The following TMEM117 variants were observed in gnomAD, a reference collection of about 807,000 sequenced individuals.
The protein encoded by TMEM117 is transmembrane protein 117.
In TMEM117, 27 loss-of-function variants were observed where a neutral mutation model predicts 52.4. That is an observed-to-expected ratio of 0.51 (90% CI 0.38 to 0.71). TMEM117 has a LOEUF of 0.71. Ranked by LOEUF, TMEM117 falls within the 30% of genes least tolerant of loss-of-function variation. The pLI, the probability that TMEM117 is intolerant of heterozygous loss-of-function variation, is 0.00. For missense variants in TMEM117, 556 were observed against 630.5 expected (o/e 0.88, Z 1.26); for synonymous variants, 215 against 206.3 (o/e 1.04, Z -0.36).
At chr12:44,228,607 A>G (rs939465765) in intron 5 of TMEM117, among the ~76,000 whole-genome samples, 1 of 152,142 alleles carries the variant, frequency 6.6e-6, no homozygotes, top group Non-Finnish European at 1.5e-5. Flanking sequence ...ATTATGAGCC[A>G]GGAAAATTCC....
At chr12:44,149,614 T>C (rs1948693502) in intron 4 of TMEM117, among the ~76,000 whole-genome samples, 1 of 152,212 alleles carries the variant, frequency 6.6e-6, no homozygotes, top group Non-Finnish European at 1.5e-5. Context: ...TTAAAAATAG[T>C]TTAGTTCAAA....
chr12:44,339,698 T>C (rs1000370586), intron 6 of TMEM117, among the ~76,000 whole-genome samples: 3 of 151,996 alleles, frequency 2.0e-5, no homozygotes, highest in South Asian at 2.1e-4. Flanking sequence ...TTTAAAAATA[T>C]GTAGATTTTA....
intron 5 of TMEM117, among the ~76,000 whole-genome samples, chr12:44,226,035 C>A (rs17094328): frequency 1.3e-5 from 2 of 152,108 alleles, no homozygotes; most frequent in African/African-American, 4.8e-5. Context: ...ATGTTCATTT[C>A]GCCCCATCAT....
intron 3 of TMEM117, among the ~76,000 whole-genome samples, chr12:43,961,191 A>G (rs1945396979): frequency 6.6e-6 from 1 of 152,184 alleles, no homozygotes; most frequent in Non-Finnish European, 1.5e-5. Context: ...AACTCTTGAT[A>G]AATATTAGTA....
chr12:44,262,870 A>G (rs973713268), intron 5 of TMEM117, among the ~76,000 whole-genome samples: 3 of 152,236 alleles, frequency 2.0e-5, no homozygotes, highest in Admixed American at 2.0e-4. Context: ...TACAGGCGTG[A>G]GCCACTGCGC....
At chr12:44,370,360 G>A (rs1951845808) in intron 6 of TMEM117, among the ~76,000 whole-genome samples, 1 of 151,874 alleles carries the variant, frequency 6.6e-6, no homozygotes, top group African/African-American at 2.4e-5. Context: ...CTAGTTTATA[G>A]GGAAAAAAAT....
chr12:44,363,705 T>A (rs962315747), intron 6 of TMEM117, among the ~76,000 whole-genome samples: 2 of 152,216 alleles, frequency 1.3e-5, no homozygotes, highest in Non-Finnish European at 2.9e-5. Flanking sequence ...GTTCTTCCTA[T>A]GTTTTGTTCT....
At chr12:43,845,742 TC>T (rs1236870117) in intron 2 of TMEM117, among the ~76,000 whole-genome samples, 1 of 150,878 alleles carries the variant, frequency 6.6e-6, no homozygotes, top group Non-Finnish European at 1.5e-5. Flanking sequence ...CCACCCTGTG[TC>T]CAAGTGTTGT....
At chr12:43,883,908 C>T (rs2137457830) in intron 2 of TMEM117, among the ~76,000 whole-genome samples, 1 of 151,988 alleles carries the variant, frequency 6.6e-6, no homozygotes, top group East Asian at 1.9e-4. Flanking sequence ...AGGCTGAGGT[C>T]AGAGGATTGC....
chr12:43,799,950 C>T, the TMEM117 span, among the ~76,000 whole-genome samples: 1 of 151,966 alleles, frequency 6.6e-6, no homozygotes, highest in Non-Finnish European at 1.5e-5. Flanking sequence ...GAAAAAAATA[C>T]TACAAAGAGG....
intron 3 of TMEM117, chr12:44,009,736 ATTC>A (rs1946259108): frequency 3.9e-6 from 1 of 259,374 alleles, no homozygotes; most frequent in South Asian, 7.3e-5. Flanking sequence ...CTGTGACCTT[ATTC>A]TTTGTTTGAC....
intron 5 of TMEM117, among the ~76,000 whole-genome samples, chr12:44,264,379 C>T (rs1281177058): frequency 6.6e-6 from 1 of 152,116 alleles, no homozygotes; most frequent in Non-Finnish European, 1.5e-5. Flanking sequence ...TTCAGAATCC[C>T]CTATCAGCTA....
chr12:44,145,413 A>G (rs1339405311), intron 4 of TMEM117, among the ~76,000 whole-genome samples: 1 of 152,202 alleles, frequency 6.6e-6, no homozygotes, highest in Non-Finnish European at 1.5e-5. Flanking sequence ...ACCTTCCTAC[A>G]AATAATGAAC....
the TMEM117 span, chr12:43,797,467 CA>C: frequency 3.2e-6 from 5 of 1,552,628 alleles, no homozygotes; most frequent in East Asian, 1.1e-4. Flanking sequence ...CAATAAGAAA[CA>C]AAATATGTTC....
intron 2 of TMEM117, among the ~76,000 whole-genome samples, chr12:43,866,696 A>G (rs1943606110): frequency 1.3e-5 from 2 of 152,260 alleles, no homozygotes. Context: ...GAGTGAAACC[A>G]TATAGAAATA....
At chr12:44,099,821 C>T (rs1465361163) in intron 3 of TMEM117, among the ~76,000 whole-genome samples, 1 of 151,786 alleles carries the variant, frequency 6.6e-6, no homozygotes, top group Non-Finnish European at 1.5e-5. Flanking sequence ...GAGAAGTCCA[C>T]CAAAACAAGT....
chr12:44,164,686 G>A (rs1948941147), intron 4 of TMEM117, among the ~76,000 whole-genome samples: 1 of 152,130 alleles, frequency 6.6e-6, no homozygotes, highest in Non-Finnish European at 1.5e-5. Context: ...CTGAATTATG[G>A]GGCTACAATC....
chr12:44,208,448 T>G (rs1032992871), intron 4 of TMEM117, among the ~76,000 whole-genome samples: 2 of 152,296 alleles, frequency 1.3e-5, no homozygotes, highest in African/African-American at 2.4e-5. Context: ...TTTTGTGTAT[T>G]TATGCTACAC....
At chr12:43,803,440 G>C in the TMEM117 span, among the ~76,000 whole-genome samples, 10 of 152,020 alleles carry the variant, frequency 6.6e-5, no homozygotes, top group African/African-American at 2.4e-4. Context: ...TAAAATGTTA[G>C]CAGTTATTAA....
Sources: allele counts gnomAD v4.1 joint callset (sites outside exome capture counted in the v4.1 genomes callset), GRCh38; gene constraint gnomAD v4.1.1; transcripts MANE v1.5; gene names NCBI Gene and HGNC (gene_info 2026-07-23, HGNC 2026-07-21).